The following KHDRBS2 variants were observed in gnomAD, a reference collection of about 807,000 sequenced individuals.
KHDRBS2 encodes KH domain-containing, RNA-binding, signal transduction-associated protein 2.
A neutral mutation model predicts 44.3 loss-of-function variants in KHDRBS2; 26 were observed. The observed-to-expected ratio is 0.59, with a 90% confidence interval of 0.43 to 0.81. KHDRBS2 has a LOEUF of 0.81. Ranked by LOEUF, KHDRBS2 falls within the 40% of genes least tolerant of loss-of-function variation. The pLI is 0.00. For missense variants in KHDRBS2, 476 were observed against 433.1 expected (o/e 1.10, Z -0.88); for synonymous variants, 194 against 151.1 (o/e 1.28, Z -2.08).
the KHDRBS2 span, among the ~76,000 whole-genome samples, chr6:61,650,582 A>C: frequency 6.9e-6 from 1 of 145,494 alleles, no homozygotes; most frequent in Admixed American, 7.1e-5. Context: ...TATGCTGTAC[A>C]GTCAAATACA....
chr6:61,777,543 A>C (rs754043141), intron 6 of KHDRBS2, among the ~76,000 whole-genome samples: 3 of 152,034 alleles, frequency 2.0e-5, no homozygotes, highest in Non-Finnish European at 4.4e-5. Flanking sequence ...AAAATTTAAA[A>C]CTCATTCTAT....
intron 2 of KHDRBS2, among the ~76,000 whole-genome samples, chr6:62,126,137 C>G (rs2150086297): frequency 6.6e-6 from 1 of 152,244 alleles, no homozygotes; most frequent in African/African-American, 2.4e-5. Context: ...GAGTCCTAGG[C>G]CTGGCAGCAT....
intron 6 of KHDRBS2, among the ~76,000 whole-genome samples, chr6:61,814,555 G>A (rs1373170883): frequency 1.3e-5 from 2 of 152,024 alleles, no homozygotes; most frequent in East Asian, 1.9e-4. Flanking sequence ...GCAGTCAGCC[G>A]AGATCGCACC....
At chr6:61,983,236 C>CTTTCTTTCTTTCT (rs1309156581) in intron 3 of KHDRBS2, among the ~76,000 whole-genome samples, 21 of 118,510 alleles carry the variant, frequency 1.8e-4, no homozygotes, top group Middle Eastern at 4.3e-3. Context: ...TTCTTTCTTT[C>CTTTCTTTCTTTCT]TTTTTTTTTT....
chr6:61,858,281 A>AT (rs1373498827), intron 6 of KHDRBS2, among the ~76,000 whole-genome samples: 1 of 151,652 alleles, frequency 6.6e-6, no homozygotes, highest in Non-Finnish European at 1.5e-5. Context: ...GTAATTCAAC[A>AT]TTTTTCCGTA....
chr6:62,069,650 C>T (rs562540514), intron 2 of KHDRBS2, among the ~76,000 whole-genome samples: 4 of 151,852 alleles, frequency 2.6e-5, no homozygotes, highest in African/African-American at 7.2e-5. Flanking sequence ...ATTGCTCATG[C>T]AAAGATGATT....
chr6:61,771,874 C>A (rs1322956357), intron 6 of KHDRBS2, among the ~76,000 whole-genome samples: 1 of 152,172 alleles, frequency 6.6e-6, no homozygotes, highest in Non-Finnish European at 1.5e-5. Flanking sequence ...CCCAAATCAA[C>A]AGAATATACA....
At chr6:61,866,363 C>A (rs1333765490) in intron 6 of KHDRBS2, among the ~76,000 whole-genome samples, 1 of 152,222 alleles carries the variant, frequency 6.6e-6, no homozygotes, top group Non-Finnish European at 1.5e-5. Context: ...CACTCTGAGG[C>A]CACGGTCCGA....
At chr6:61,824,259 T>C (rs1790480392) in intron 6 of KHDRBS2, among the ~76,000 whole-genome samples, 1 of 152,050 alleles carries the variant, frequency 6.6e-6, no homozygotes, top group Non-Finnish European at 1.5e-5. Flanking sequence ...GGGAGGTGAA[T>C]GGATCATGAA....
intron 1 of KHDRBS2, among the ~76,000 whole-genome samples, chr6:62,243,732 T>G (rs1387641108): frequency 6.6e-6 from 1 of 152,030 alleles, no homozygotes; most frequent in Non-Finnish European, 1.5e-5. Flanking sequence ...AAAAACCAAT[T>G]CTCAGTTTAT....
Position 61,681,065 on chromosome 6 carries a change from G to A in KHDRBS2, c.953-5C>T. ...TTGTGGCCCATTCTTCTGGTGCTGT[G>A]AAAAAGAGAAAGATAGTAACACACA... On this transcript the variant is annotated splice_region_variant and splice_polypyrimidine_tract_variant and intron_variant, in intron 8 of 8. Coordinates refer to ENST00000281156, the MANE Select transcript of KHDRBS2 (RefSeq NM_152688.4). 1 of 1,600,992 alleles carries A rather than the reference G, an allele frequency of 6.2e-7. No homozygotes were observed. Among genetic ancestry groups the A allele is most frequent in the South Asian group, 1.1e-5 (1 of 90,724 alleles).
chr6:62,214,677 GA>G (rs1829674711), intron 1 of KHDRBS2, among the ~76,000 whole-genome samples: 1 of 151,900 alleles, frequency 6.6e-6, no homozygotes, highest in Non-Finnish European at 1.5e-5. Flanking sequence ...GGAGACCTAG[GA>G]AGGTAGATTT....
the KHDRBS2 span, among the ~76,000 whole-genome samples, chr6:61,592,185 C>CGCTAAA: frequency 1.1e-3 from 43 of 38,992 alleles, no homozygotes; most frequent in Non-Finnish European, 1.6e-3. Context: ...AGCAAGATCC[C>CGCTAAA]ACCAAAAAAA....
chr6:61,899,888 A>T (rs1033195647), intron 5 of KHDRBS2, among the ~76,000 whole-genome samples: 1 of 151,916 alleles, frequency 6.6e-6, no homozygotes, highest in African/African-American at 2.4e-5. Context: ...CTTATGATTA[A>T]ATCCATTAAA....
chr6:62,272,968 A>G (rs1030969704), intron 1 of KHDRBS2, among the ~76,000 whole-genome samples: 2 of 152,158 alleles, frequency 1.3e-5, no homozygotes, highest in African/African-American at 2.4e-5. Context: ...TTACCTTTTC[A>G]GTTTAGAACT....
intron 1 of KHDRBS2, among the ~76,000 whole-genome samples, chr6:62,229,337 G>A (rs1832493254): frequency 1.3e-5 from 2 of 152,132 alleles, no homozygotes; most frequent in Admixed American, 6.5e-5. Flanking sequence ...TATCTCTTGG[G>A]ACCAAGCCAT....
At chr6:62,107,415 T>A (rs1025753389) in intron 2 of KHDRBS2, among the ~76,000 whole-genome samples, 6 of 152,122 alleles carry the variant, frequency 3.9e-5, no homozygotes, top group Non-Finnish European at 7.3e-5. Context: ...CAAGGAGAAC[T>A]ACAAACCACT....
the KHDRBS2 span, among the ~76,000 whole-genome samples, chr6:61,656,519 T>C: frequency 6.6e-6 from 1 of 152,030 alleles, no homozygotes; most frequent in African/African-American, 2.4e-5. Flanking sequence ...CAGAGACGTA[T>C]ATTTATATTG....
chr6:61,832,730 G>T (rs1177488477), intron 6 of KHDRBS2, among the ~76,000 whole-genome samples: 1 of 152,176 alleles, frequency 6.6e-6, no homozygotes, highest in East Asian at 1.9e-4. Context: ...AAGATACAAT[G>T]ATTGAAGCCC....
Sources: allele counts gnomAD v4.1 joint callset (sites outside exome capture counted in the v4.1 genomes callset), GRCh38; gene constraint gnomAD v4.1.1; transcripts MANE v1.5; gene names NCBI Gene and HGNC (gene_info 2026-07-23, HGNC 2026-07-21).